MYL4: variants seen among roughly 807,000 people sequenced by gnomAD.
The protein encoded by MYL4 is myosin light chain 4, also known as atrial myosin light chain 1.
In MYL4, 16 loss-of-function variants were observed where a neutral mutation model predicts 21.6. The observed-to-expected ratio is 0.74, with a 90% CI of 0.50 to 1.12. MYL4 has a LOEUF of 1.12. MYL4 is among the 50% of genes most tolerant of loss of function. The pLI is 0.00. For missense variants in MYL4, 249 were observed against 252.9 expected, an observed-to-expected ratio of 0.98 and a Z score of 0.11; for synonymous variants, 82 against 95.7, an observed-to-expected ratio of 0.86 and a Z score of 0.83.
chr17:47,195,254 G>A, the MYL4 span, among the ~76,000 whole-genome samples: 47 of 148,106 alleles, frequency 3.2e-4, no homozygotes, highest in Admixed American at 1.5e-3. Flanking sequence ...TTTGAGACGG[G>A]GTTTTGCTCT....
At chr17:47,209,184 AG>A, upstream of MYL4, 2 of 635,118 alleles carry the variant, frequency 3.1e-6, no homozygotes, top group South Asian at 3.7e-5. Flanking sequence ...CATGAAGGGG[AG>A]GGGGCTGGTG....
upstream of MYL4, among the ~76,000 whole-genome samples, chr17:47,206,423 A>T (rs2149039467): frequency 6.6e-6 from 1 of 152,298 alleles, no homozygotes; most frequent in East Asian, 1.9e-4. Flanking sequence ...AACTACAACA[A>T]TAACATAATA....
At chr17:47,200,732 G>A (rs2064706198) in intron 1 of MYL4, 1 of 152,296 alleles carries the variant, frequency 6.6e-6, no homozygotes, top group Admixed American at 6.5e-5. Context: ...ACAGGATTCA[G>A]TTCACACATA....
chr17:47,211,974 C>T (rs902416822), intron 1 of MYL4, among the ~76,000 whole-genome samples: 5 of 152,182 alleles, frequency 3.3e-5, no homozygotes, highest in South Asian at 2.1e-4. Flanking sequence ...CCTGTAATCT[C>T]AGCACTTTGG....
At chr17:47,206,789 A>G (rs1254710315), upstream of MYL4, among the ~76,000 whole-genome samples, 8 of 152,234 alleles carry the variant, frequency 5.3e-5, 1 homozygote, top group Non-Finnish European at 1.5e-5. Context: ...TGGCAGAGTC[A>G]GGACTAGTGC....
chr17:47,221,040 CTG>C (rs1424626562), intron 3 of MYL4, among the ~76,000 whole-genome samples: 1 of 152,086 alleles, frequency 6.6e-6, no homozygotes, highest in East Asian at 1.9e-4. Flanking sequence ...GAAGCAAGTC[CTG>C]TGTGCTTATA....
chr17:47,211,774 C>T (rs2149042480), intron 1 of MYL4, among the ~76,000 whole-genome samples: 1 of 151,820 alleles, frequency 6.6e-6, no homozygotes, highest in South Asian at 2.1e-4. Flanking sequence ...ACAGGATGGG[C>T]ACAGCACAAG....
chr17:47,194,963 A>G, the MYL4 span, among the ~76,000 whole-genome samples: 1 of 148,814 alleles, frequency 6.7e-6, no homozygotes, highest in Non-Finnish European at 1.5e-5. Context: ...CTCTTCTCGA[A>G]CTCCTGAGCT....
downstream of MYL4, among the ~76,000 whole-genome samples, chr17:47,224,291 C>T (rs187882943): frequency 5.4e-4 from 82 of 152,174 alleles, 1 homozygote; most frequent in East Asian, 0.014. Context: ...ACATGGATGG[C>T]GGCAGGCAAA....
In MYL4 at chr17:47,209,503, T is replaced by A; in HGVS notation, c.81T>A (p.Pro27=). The change falls in exon 1 of 7, where the codon CCT becomes CCA. Residue 27 remains proline (P), a synonymous_variant. Coordinates refer to ENST00000393450, the MANE Select transcript of MYL4 (RefSeq NM_002476.2). Reference sequence around the variant, plus strand: ...CAGCTCCAGCCCCTGCACCAGCCCCTGCCCCAGCTCCTGAGGCTCCCAAGG... The same window carrying A: ...CAGCTCCAGCCCCTGCACCAGCCCCAGCCCCAGCTCCTGAGGCTCCCAAGG... ...PAPAPAPAPA[P]APAPEAPKEP... 6.2e-7 allele frequency: 1 copy of A among 1,614,210 alleles called. No individual in the cohort carries two copies. The highest frequency in any genetic ancestry group is 8.5e-7 in the Non-Finnish European group (1 of 1,180,020).
intron 2 of MYL4, among the ~76,000 whole-genome samples, chr17:47,216,383 C>G (rs867544960): frequency 1.3e-5 from 2 of 151,184 alleles, no homozygotes; most frequent in South Asian, 2.1e-4. Flanking sequence ...GGCTTCCCAG[C>G]AGGCCAGGTG....
At position 47,223,600 on chromosome 17, in the gene MYL4, AC is replaced by A. The variant is rs1213890209; in HGVS notation, c.*109del. ...GATGGAGTCCTCGACTTATCACCACACCACTGCCCCAAGGACCTTACAGGCC... is the reference window on the plus strand; with the variant it reads ...GATGGAGTCCTCGACTTATCACCACACACTGCCCCAAGGACCTTACAGGCC... On this transcript the variant is annotated 3_prime_UTR_variant, in exon 7 of 7. Transcript: ENST00000393450. 1 of 152,886 alleles carries A rather than the reference AC, an allele frequency of 6.5e-6. No homozygotes were observed. Among genetic ancestry groups the A allele is most frequent in the Non-Finnish European group, 1.5e-5 (1 of 68,644 alleles). 9.5% of individuals were successfully genotyped at this position (152,886 alleles called of 1,614,324 possible).
At chr17:47,195,475 C>G (rs147995376), upstream of MYL4, among the ~76,000 whole-genome samples, 1 of 151,976 alleles carries the variant, frequency 6.6e-6, no homozygotes, top group African/African-American at 2.4e-5. Context: ...GTGATCTGCC[C>G]GCCTTGGCCT....
chr17:47,212,106 T>A (rs2064780259), intron 1 of MYL4, among the ~76,000 whole-genome samples: 1 of 151,634 alleles, frequency 6.6e-6, no homozygotes, highest in Non-Finnish European at 1.5e-5. Context: ...GTGCCTGTAA[T>A]CTCAGCTACT....
upstream of MYL4, among the ~76,000 whole-genome samples, chr17:47,205,325 T>C (rs1156463821): frequency 6.6e-6 from 1 of 152,196 alleles, no homozygotes; most frequent in African/African-American, 2.4e-5. Flanking sequence ...TTCACACTAC[T>C]ACATCTCCTT....
chr17:47,199,645 G>A (rs1469623644), upstream of MYL4, among the ~76,000 whole-genome samples: 6 of 143,676 alleles, frequency 4.2e-5, no homozygotes, highest in Non-Finnish European at 7.5e-5. Context: ...ATGTGTACCT[G>A]TAATCCCAGC....
the MYL4 span, among the ~76,000 whole-genome samples, chr17:47,190,892 T>C: frequency 1.3e-5 from 2 of 152,240 alleles, no homozygotes; most frequent in Non-Finnish European, 2.9e-5. Context: ...CACACAGATA[T>C]AGAAGAACAT....
intron 4 of MYL4, among the ~76,000 whole-genome samples, 159 bp downstream of exon 4, chr17:47,222,014 G>C (rs1486765618): frequency 6.6e-6 from 1 of 152,134 alleles, no homozygotes; most frequent in Non-Finnish European, 1.5e-5. Flanking sequence ...GGCTCTGCAA[G>C]AACAACCATT....
intron 1 of MYL4, among the ~76,000 whole-genome samples, chr17:47,213,594 G>A (rs932797674): frequency 3.3e-5 from 5 of 152,084 alleles, no homozygotes; most frequent in African/African-American, 4.8e-5. Flanking sequence ...GAGGGCCGAC[G>A]GTATTTTATA....
Sources: allele counts gnomAD v4.1 joint callset (sites outside exome capture counted in the v4.1 genomes callset), GRCh38; gene constraint gnomAD v4.1.1; transcripts MANE v1.5; gene names NCBI Gene and HGNC (gene_info 2026-07-23, HGNC 2026-07-21).